The following CFLAR variants were observed in gnomAD, a reference collection of about 807,000 sequenced individuals.
The protein encoded by CFLAR is CASP8 and FADD like apoptosis regulator, also known as CASP8 and FADD-like apoptosis regulator.
A neutral mutation model predicts 51.1 loss-of-function variants in CFLAR; 14 were observed. That is an observed-to-expected ratio of 0.27 (90% confidence interval 0.18 to 0.43). CFLAR has a LOEUF of 0.43. Ranked by LOEUF, CFLAR falls within the 20% of genes least tolerant of loss-of-function variation. The pLI, the probability that CFLAR is intolerant of heterozygous loss-of-function variation, is 1.00. For missense variants in CFLAR, 390 were observed against 566.5 expected (o/e 0.69, Z 3.16); for synonymous variants, 210 against 211.6 (o/e 0.99, Z 0.06).
At chr2:201,157,187 C>G (rs1942317960) in intron 8 of CFLAR, among the ~76,000 whole-genome samples, 1 of 152,214 alleles carries the variant, frequency 6.6e-6, no homozygotes, top group Admixed American at 6.5e-5. Flanking sequence ...CTCACTCTTT[C>G]ACCCAGGCTG....
Position 201,136,114 on chromosome 2 carries a change from AT to A in CFLAR, c.523+11del. The stretch of plus-strand genomic sequence containing the variant: ...CAGAAGTACAAGCAGTCTGGTAAGA[AT>A]TTTGGCCTCTCAGTGGTCTAGGGGA... On this transcript the variant is annotated splice_region_variant and intron_variant, in intron 4 of 9. Coordinates refer to ENST00000309955, the MANE Select transcript of CFLAR (RefSeq NM_003879.7). 1 of 1,612,532 alleles carries A rather than the reference AT, an allele frequency of 6.2e-7. No individual in the cohort carries two copies. The highest frequency in any genetic ancestry group is 8.5e-7 in the Non-Finnish European group (1 of 1,179,186).
chr2:201,147,845 G>A (rs1182505649), intron 6 of CFLAR: 1 of 152,176 alleles, frequency 6.6e-6, no homozygotes, highest in African/African-American at 2.4e-5. Context: ...TCCAGCCTGG[G>A]TGACAGAGCG....
intron 2 of CFLAR, among the ~76,000 whole-genome samples, chr2:201,132,430 A>AATATATATATATATAT (rs35648857): frequency 1.5e-4 from 21 of 137,958 alleles, no homozygotes; most frequent in African/African-American, 5.5e-4. Context: ...GGGGGGGAAA[A>AATATATATATATATAT]ATATATATAT....
Position 201,166,206 on chromosome 2 carries a change from CG to C in CFLAR, c.*2238del. 1 of 156,020 alleles carries C rather than the reference CG, an allele frequency of 6.4e-6. No homozygotes were observed. Among genetic ancestry groups the C allele is most frequent in the Admixed American group, 6.6e-5 (1 of 15,052 alleles). The allele number at this position is 156,020 out of a possible 1,614,324, so 9.7% of individuals were successfully genotyped here. ...CTCCCGGACGGGATAGCTGGCCGGG[CG>C]GGGGCTGACCCCCCACCTCCCTCCC... On this transcript the variant is annotated 3_prime_UTR_variant, in exon 10 of 10. Transcript: ENST00000309955.
At chr2:201,157,289 T>C (rs1052990674) in intron 8 of CFLAR, among the ~76,000 whole-genome samples, 5 of 152,078 alleles carry the variant, frequency 3.3e-5, no homozygotes, top group Non-Finnish European at 7.4e-5. Flanking sequence ...CACAGATGCG[T>C]GCCACCATGC....
intron 2 of CFLAR, 26 bp from the exon 3 acceptor site, chr2:201,133,003 A>G: frequency 6.2e-7 from 1 of 1,605,820 alleles, no homozygotes. Context: ...GTCTGAATTA[A>G]CTAAATGAAC....
chr2:201,156,297 G>A (rs957123943), intron 8 of CFLAR, among the ~76,000 whole-genome samples: 2 of 152,130 alleles, frequency 1.3e-5, no homozygotes, highest in Non-Finnish European at 2.9e-5. Context: ...TTCTTCCTGC[G>A]AAGAAACCTA....
chr2:201,128,162 T>TTA (rs1370752435), intron 1 of CFLAR, among the ~76,000 whole-genome samples: 4 of 152,198 alleles, frequency 2.6e-5, no homozygotes, highest in Admixed American at 1.3e-4. Context: ...ATTTTATACT[T>TTA]TAATTTATAA....
rs1046506270 is a variant in CFLAR, at chr2:201,138,999, C to T, written c.524-1358C>T. On this transcript the variant is annotated intron_variant, in intron 4 of 9. Coordinates refer to ENST00000309955, the MANE Select transcript of CFLAR (RefSeq NM_003879.7). This position sits in a 1 kb window ranked among gnomAD's most constrained non-coding sequence, Gnocchi z 4.0. ...TGGTCACTGGCGAAGAGCTGCTGCA[C>T]GGTGTGGGGAAAAGAAAGAGAGATC... 18 of 518,206 alleles carry T rather than the reference C, an allele frequency of 3.5e-5. No homozygotes were observed. The highest frequency in any genetic ancestry group is 1.3e-4 in the African/African-American group (7 of 52,248). 32.1% of individuals were successfully genotyped at this position (518,206 alleles called of 1,614,324 possible).
chr2:201,158,201 T>A (rs1219707445), intron 8 of CFLAR, among the ~76,000 whole-genome samples: 1 of 152,182 alleles, frequency 6.6e-6, no homozygotes, highest in African/African-American at 2.4e-5. Flanking sequence ...TAAACCCACA[T>A]CTTGTGATTC....
Position 201,124,695 on chromosome 2 carries a change from G to T in CFLAR, c.-137-5034G>T, listed in dbSNP as rs2048515088. On this transcript the variant is annotated intron_variant, in intron 1 of 9. Coordinates refer to ENST00000309955, the MANE Select transcript of CFLAR (RefSeq NM_003879.7). This position sits in a 1 kb window ranked among gnomAD's most constrained non-coding sequence, Gnocchi z 4.7. Reference sequence around the variant, plus strand: ...GGAAGGTAGATTTGGAGAGGGTGAGGTCTAAAGCAGGGGGAACAGAATGGC... The same window carrying T: ...GGAAGGTAGATTTGGAGAGGGTGAGTTCTAAAGCAGGGGGAACAGAATGGC... 6.6e-6 allele frequency among the ~76,000 whole-genome samples: 1 copy of T among 152,162 alleles called. No individual in the cohort carries two copies. Among genetic ancestry groups the T allele is most frequent in the African/African-American group, 2.4e-5 (1 of 41,438 alleles).
At position 201,138,503 on chromosome 2, in the gene CFLAR, T is replaced by G. The variant is rs1317476428; in HGVS notation, c.524-1854T>G. The G allele has an allele frequency of 3.8e-6, 5 of 1,316,664 alleles. No individual in the cohort carries two copies. Among genetic ancestry groups the G allele is most frequent in the Non-Finnish European group, 5.4e-6 (5 of 919,694 alleles). The allele number at this position is 1,316,664 out of a possible 1,614,324, so 81.6% of individuals were successfully genotyped here. On this transcript the variant is annotated intron_variant, in intron 4 of 9. Transcript: ENST00000309955. This position sits in a 1 kb window ranked among gnomAD's most constrained non-coding sequence, Gnocchi z 4.0. The stretch of plus-strand genomic sequence containing the variant: ...AACCTCACACTGCTGGAGCCACCAC[T>G]AGCTTGATCCTTGGCATCATCACCT...
chr2:201,151,299 A>G (rs1324196988), intron 8 of CFLAR: 1 of 152,204 alleles, frequency 6.6e-6, no homozygotes, highest in Non-Finnish European at 1.5e-5. Context: ...GATAAGTGGA[A>G]TGACATTCTG....
At chr2:201,157,452 C>T (rs991118348) in intron 8 of CFLAR, among the ~76,000 whole-genome samples, 4 of 151,976 alleles carry the variant, frequency 2.6e-5, no homozygotes, top group East Asian at 1.9e-4. Context: ...TCACAGTCAC[C>T]TTTTGAAGAA....
chr2:201,124,714 G>C lies in CFLAR; in HGVS notation c.-137-5015G>C, dbSNP rs747871464. On this transcript the variant is annotated intron_variant, in intron 1 of 9. Coordinates refer to ENST00000309955, the MANE Select transcript of CFLAR (RefSeq NM_003879.7). The surrounding 1 kb of genome is among the most constrained non-coding windows in gnomAD (Gnocchi z 4.7). ...GGTGAGGTCTAAAGCAGGGGGAACA[G>C]AATGGCTAGGGGAATGAGTTTGGAT... Among the ~76,000 whole-genome samples the C allele has an allele frequency of 6.6e-6, 1 of 152,158 alleles. No individual in the cohort carries two copies. The highest frequency in any genetic ancestry group is 1.5e-5 in the Non-Finnish European group (1 of 68,030).
At chr2:201,160,381 G>A in intron 8 of CFLAR, 51 bp from the exon 9 acceptor site, 1 of 1,566,890 alleles carries the variant, frequency 6.4e-7, no homozygotes, top group Non-Finnish European at 8.7e-7. Flanking sequence ...GTCCTCTTGA[G>A]CTCTCCTCAC....
In CFLAR at chr2:201,125,764, A is replaced by G. The variant is rs868400968; in HGVS notation, c.-137-3965A>G. On this transcript the variant is annotated intron_variant, in intron 1 of 9. Transcript: ENST00000309955. ...AACTGTTGAGCAGCCGTAGGGGCCCAGCTCAGGAAACCACCAGGGTGTGGT... is the reference window on the plus strand; with the variant it reads ...AACTGTTGAGCAGCCGTAGGGGCCCGGCTCAGGAAACCACCAGGGTGTGGT... 4.0e-4 allele frequency among the ~76,000 whole-genome samples: 61 copies of G among 152,234 alleles called. No homozygotes were observed. The Middle Eastern group carries it at 0.014, about 34-fold the overall frequency.
At position 201,124,972 on chromosome 2, in the gene CFLAR, C is replaced by A. The variant is rs2125625615; in HGVS notation, c.-137-4757C>A. ...AACCAGGAGGTCACCAGGGCCTCAA[C>A]AAGAGCTGTGTCATCAGGGCTGGGA... On this transcript the variant is annotated intron_variant, in intron 1 of 9. Transcript: ENST00000309955. This position sits in a 1 kb window ranked among gnomAD's most constrained non-coding sequence, Gnocchi z 4.7. 6.6e-6 allele frequency among the ~76,000 whole-genome samples: 1 copy of A among 152,250 alleles called. No individual in the cohort carries two copies. Among genetic ancestry groups the A allele is most frequent in the South Asian group, 2.1e-4 (1 of 4,818 alleles).
chr2:201,121,889 T>C (rs2048221798), intron 1 of CFLAR, among the ~76,000 whole-genome samples: 2 of 152,250 alleles, frequency 1.3e-5, no homozygotes, highest in Non-Finnish European at 2.9e-5. Flanking sequence ...AGCCACTTTT[T>C]ATTCCTTTGA....
Sources: allele counts gnomAD v4.1 joint callset (sites outside exome capture counted in the v4.1 genomes callset), GRCh38; gene constraint gnomAD v4.1.1; non-coding constraint Gnocchi (gnomAD v3.1); transcripts MANE v1.5; gene names NCBI Gene and HGNC (gene_info 2026-07-23, HGNC 2026-07-21).